Variants in HSPA12A observed in about 807,000 individuals in gnomAD.
HSPA12A encodes heat shock 70 kDa protein 12A.
In HSPA12A, 28 loss-of-function variants were observed where a neutral mutation model predicts 69.2. The observed-to-expected ratio is 0.40, with a 90% CI of 0.30 to 0.55. The LOEUF (loss-of-function observed/expected upper bound fraction) is 0.55, where lower values mean the gene tolerates loss of function less well. Ranked by LOEUF, HSPA12A falls within the 20% of genes least tolerant of loss-of-function variation. HSPA12A has a pLI of 0.38. For missense variants in HSPA12A, 686 were observed against 900.7 expected (o/e 0.76, Z 3.05); for synonymous variants, 345 against 370.5 (o/e 0.93, Z 0.79).
At chr10:116,817,383 G>C (rs1238069972) in intron 2 of HSPA12A, among the ~76,000 whole-genome samples, 1 of 152,122 alleles carries the variant, frequency 6.6e-6, no homozygotes, top group African/African-American at 2.4e-5. Flanking sequence ...GCCGGCTTCT[G>C]TGCTGGGTGC....
intron 1 of HSPA12A, among the ~76,000 whole-genome samples, chr10:116,731,681 C>T (rs1449225967): frequency 2.0e-5 from 3 of 152,224 alleles, no homozygotes; most frequent in African/African-American, 7.2e-5. Context: ...TTCTTTACTA[C>T]ACAGGGCTTA....
chr10:116,726,337 C>T (rs540972558), intron 1 of HSPA12A, among the ~76,000 whole-genome samples: 1 of 152,212 alleles, frequency 6.6e-6, no homozygotes, highest in African/African-American at 2.4e-5. Flanking sequence ...TCAGCCCATT[C>T]CTTCCTCTGT....
chr10:116,727,773 T>G (rs1341978525), intron 1 of HSPA12A, among the ~76,000 whole-genome samples: 1 of 118,944 alleles, frequency 8.4e-6, no homozygotes, highest in Non-Finnish European at 1.9e-5. Flanking sequence ...TTTTTTGGTT[T>G]TTTGGAAAGA....
chr10:116,840,999 C>G (rs1368409022), intron 1 of HSPA12A, among the ~76,000 whole-genome samples: 1 of 152,220 alleles, frequency 6.6e-6, no homozygotes, highest in Non-Finnish European at 1.5e-5. Flanking sequence ...CTGAGTTACT[C>G]ACGCTGCTTC....
At chr10:116,780,666 C>CGATTA (rs1775988186) in intron 2 of HSPA12A, among the ~76,000 whole-genome samples, 1 of 151,952 alleles carries the variant, frequency 6.6e-6, no homozygotes, top group Admixed American at 6.6e-5. Flanking sequence ...TTTGTTAATA[C>CGATTA]GATTATCAAA....
intron 1 of HSPA12A, among the ~76,000 whole-genome samples, chr10:116,848,039 A>G (rs1462618922): frequency 1.3e-5 from 2 of 152,236 alleles, no homozygotes; most frequent in Admixed American, 1.3e-4. Flanking sequence ...CCTTTCTTCC[A>G]GGGGTGTATG....
At chr10:116,772,689 T>TATTG (rs1473553826) in intron 2 of HSPA12A, among the ~76,000 whole-genome samples, 37 of 151,822 alleles carry the variant, frequency 2.4e-4, no homozygotes, top group African/African-American at 8.0e-4. Context: ...TTTATTTGTT[T>TATTG]ATTTATTTAT....
intron 2 of HSPA12A, among the ~76,000 whole-genome samples, chr10:116,769,880 T>C (rs1028523059): frequency 6.6e-6 from 1 of 152,194 alleles, no homozygotes; most frequent in African/African-American, 2.4e-5. Flanking sequence ...AGAAGACATT[T>C]GCTCAAGTGC....
chr10:116,749,935 C>T (rs1851735493), intron 2 of HSPA12A: 2 of 178,332 alleles, frequency 1.1e-5, no homozygotes, highest in South Asian at 1.4e-4. Context: ...AGAATAAGGC[C>T]TGCTTTAAGA....
At position 116,681,827 on chromosome 10, in the gene HSPA12A, T is replaced by G; in HGVS notation, c.886A>C (p.Asn296His). Reference protein sequence around the residue: ...NRQSRTFLVENVIGEIWSELE... With the variant: ...NRQSRTFLVEHVIGEIWSELE... ...TCGGACCAGATTTCTCCTATGACATTCTCCACCAAAAAGGTCCGACTCTGC... is the reference window on the plus strand; with the variant it reads ...TCGGACCAGATTTCTCCTATGACATGCTCCACCAAAAAGGTCCGACTCTGC... Residue 296 changes from asparagine (N) to histidine (H), a missense_variant, in exon 8 of 12, where the codon AAT becomes CAT. Asn to His is a moderately conservative substitution (Grantham distance 68). Coordinates refer to ENST00000369209, the MANE Select transcript of HSPA12A (RefSeq NM_025015.3). 7.4e-6 allele frequency: 12 copies of G among 1,614,044 alleles called. No individual in the cohort carries two copies. The highest frequency in any genetic ancestry group is 1.0e-5 in the Non-Finnish European group (12 of 1,179,986).
At chr10:116,709,397 G>A (rs1188489712) in intron 1 of HSPA12A, among the ~76,000 whole-genome samples, 2 of 147,482 alleles carry the variant, frequency 1.4e-5, no homozygotes, top group Non-Finnish European at 3.0e-5. Context: ...GCAGTGAGCC[G>A]AGATTGTGCC....
intron 2 of HSPA12A, among the ~76,000 whole-genome samples, chr10:116,776,743 A>G (rs1844348537): frequency 6.6e-6 from 1 of 152,238 alleles, no homozygotes; most frequent in South Asian, 2.1e-4. Flanking sequence ...TTAACTCCAT[A>G]TACAATGCTT....
At chr10:116,809,679 G>A (rs190936914) in intron 2 of HSPA12A, among the ~76,000 whole-genome samples, 1 of 152,218 alleles carries the variant, frequency 6.6e-6, no homozygotes, top group African/African-American at 2.4e-5. Flanking sequence ...GAAAATTGGC[G>A]GTTCCAATAT....
In HSPA12A at chr10:116,679,726, A is replaced by G; in HGVS notation, c.1063T>C (p.Phe355Leu). Residue 355 changes from phenylalanine to leucine, a missense_variant, in exon 10 of 12, where the codon TTC (phenylalanine) becomes CTC (leucine). Transcript: ENST00000369209. ...PYGSLGVDYE[F>L]EKLLYKIFGE... ...AATATTTTATACAGAAGTTTTTCGA[A>G]CTCATAATCTACTCCTAAAGATCCA... The G allele has an allele frequency of 6.2e-7, 1 of 1,614,138 alleles. No individual in the cohort carries two copies.
chr10:116,835,785 G>T (rs901891501), intron 1 of HSPA12A, among the ~76,000 whole-genome samples: 1 of 152,176 alleles, frequency 6.6e-6, no homozygotes, highest in African/African-American at 2.4e-5. Flanking sequence ...TCAGGAGTGT[G>T]TGCTTTATAA....
In HSPA12A at chr10:116,683,985, G is replaced by A. The variant is rs782812061; in HGVS notation, c.664-23C>T. 5.9e-6 allele frequency: 9 copies of A among 1,537,914 alleles called. No individual in the cohort carries two copies. The African/African-American group carries it at 1.2e-4, about 21-fold the overall frequency. ...TGCCTGGAAGACAGAAACAGAGGCT[G>A]GGACCCAGGGCCCCCTGGGCCGGCC... On this transcript the variant is annotated intron_variant, in intron 6 of 11. Transcript: ENST00000369209.
chr10:116,736,306 C>T (rs1309933580), intron 1 of HSPA12A, among the ~76,000 whole-genome samples: 2 of 152,108 alleles, frequency 1.3e-5, no homozygotes, highest in Admixed American at 6.5e-5. Context: ...AGCAGGTGCA[C>T]GAGGAACCTG....
chr10:116,701,178 A>T, intron 3 of HSPA12A, 49 bp from the exon 4 acceptor site: 1 of 1,574,642 alleles, frequency 6.4e-7, no homozygotes, highest in East Asian at 2.2e-5. Flanking sequence ...CAAAATCCCA[A>T]TTCAGGCAGC....
At chr10:116,737,525 C>G (rs1851351722) in intron 1 of HSPA12A, among the ~76,000 whole-genome samples, 1 of 152,188 alleles carries the variant, frequency 6.6e-6, no homozygotes, top group African/African-American at 2.4e-5. Flanking sequence ...AGGAGCGCAA[C>G]CACATAATTC....
Sources: gnomAD v4.1 joint callset for allele counts (sites outside exome capture counted in the v4.1 genomes callset) on GRCh38, gnomAD v4.1.1 for gene constraint, MANE v1.5 for transcripts, NCBI Gene and HGNC (gene_info 2026-07-23, HGNC 2026-07-21) for gene names.